DOCK1: variants seen among roughly 807,000 people sequenced by gnomAD.
DOCK1 encodes the protein dedicator of cytokinesis 1.
DOCK1 carries 138 observed loss-of-function variants against 262.7 expected under a neutral mutation model. That is an observed-to-expected ratio of 0.53 (90% confidence interval 0.46 to 0.61). The LOEUF is 0.61. DOCK1 is among the 20% of genes least tolerant of loss of function. The pLI, the probability that DOCK1 is intolerant of heterozygous loss-of-function variation, is 0.00. For missense variants in DOCK1, 1,908 were observed against 2,370.7 expected, an observed-to-expected ratio of 0.80 and a Z score of 4.05; for synonymous variants, 866 against 867.4, an observed-to-expected ratio of 1.00 and a Z score of 0.03.
chr10:127,010,237 C>T (rs1197388238), intron 11 of DOCK1, among the ~76,000 whole-genome samples: 3 of 152,150 alleles, frequency 2.0e-5, no homozygotes, highest in Non-Finnish European at 4.4e-5. Context: ...GAGGCCGAGG[C>T]AGGAGGATCA....
chr10:127,444,612 G>C (rs1028780991), intron 50 of DOCK1, among the ~76,000 whole-genome samples: 1 of 152,168 alleles, frequency 6.6e-6, no homozygotes, highest in Non-Finnish European at 1.5e-5. Context: ...CCGTGGGCCT[G>C]CTTGTGTCTA....
intron 42 of DOCK1, among the ~76,000 whole-genome samples, chr10:127,410,121 G>T (rs1421428905): frequency 2.0e-5 from 3 of 152,252 alleles, no homozygotes; most frequent in Non-Finnish European, 2.9e-5. Flanking sequence ...CTGAAGTTTG[G>T]TGGTTTCTTT....
intron 27 of DOCK1, among the ~76,000 whole-genome samples, chr10:127,169,959 C>T (rs532753482): frequency 3.9e-4 from 60 of 152,078 alleles, no homozygotes; most frequent in Non-Finnish European, 6.5e-4. Flanking sequence ...CCACCGTAAG[C>T]GGCACCCTCA....
chr10:127,184,320 C>G lies in DOCK1; in HGVS notation c.2847+56556C>G, dbSNP rs188302723. ...ACGGCTTGCTCAATTCATTCCCCCC[C>G]CAGTCTAATCCCCCAAATCAGTCGT... On this transcript the variant is annotated intron_variant, in intron 27 of 51. Transcript: ENST00000623213. Among the ~76,000 whole-genome samples, 616 of 151,134 alleles carry G rather than the reference C, an allele frequency of 4.1e-3. 5 individuals carry two copies. Among genetic ancestry groups the G allele is most frequent in the African/African-American group, 0.014 (559 of 41,028 alleles).
rs140831603 is a variant in DOCK1 at position 127,324,162 on chromosome 10, G to A, written c.3045-14844G>A. ...AGGAGCCCACGGTGGGGGAGAATCCGCTTCTGATGTCTTCCACCCTGGACC... is the reference window on the plus strand; with the variant it reads ...AGGAGCCCACGGTGGGGGAGAATCCACTTCTGATGTCTTCCACCCTGGACC... On this transcript the variant is annotated intron_variant, in intron 29 of 51. Transcript: ENST00000623213. Among the ~76,000 whole-genome samples, 177 of 152,292 alleles carry A rather than the reference G, an allele frequency of 1.2e-3. 5 individuals carry two copies. The East Asian group carries it at 0.027, about 23-fold the overall frequency.
At chr10:127,339,488 C>G (rs541928694) in intron 30 of DOCK1, among the ~76,000 whole-genome samples, 2 of 152,238 alleles carry the variant, frequency 1.3e-5, no homozygotes, top group South Asian at 4.1e-4. Flanking sequence ...TCTGTGTTCC[C>G]TCCATATCCT....
intron 28 of DOCK1, among the ~76,000 whole-genome samples, chr10:127,251,031 C>T (rs984256722): frequency 1.2e-4 from 18 of 151,994 alleles, no homozygotes; most frequent in East Asian, 7.8e-4. Flanking sequence ...GGTGCAATCT[C>T]GGCTCACCAC....
intron 32 of DOCK1, among the ~76,000 whole-genome samples, chr10:127,357,406 C>T (rs1481452230): frequency 1.3e-5 from 2 of 152,182 alleles, no homozygotes; most frequent in Non-Finnish European, 2.9e-5. Context: ...CTCCGCGTGC[C>T]CTCTCCAAGT....
chr10:127,438,902 G>T, intron 48 of DOCK1, 125 bp from the exon 49 acceptor site: 1 of 949,114 alleles, frequency 1.1e-6, no homozygotes, highest in Non-Finnish European at 1.6e-6. Flanking sequence ...AGTCACCCTT[G>T]GCCTCCCTTT....
At chr10:127,229,424 T>C (rs1002705314) in intron 27 of DOCK1, among the ~76,000 whole-genome samples, 1 of 152,156 alleles carries the variant, frequency 6.6e-6, no homozygotes, top group African/African-American at 2.4e-5. Flanking sequence ...TAACCACAAT[T>C]CTACTTTCTG....
chr10:127,291,112 G>A (rs2061332193), intron 29 of DOCK1, among the ~76,000 whole-genome samples: 1 of 152,128 alleles, frequency 6.6e-6, no homozygotes, highest in South Asian at 2.1e-4. Flanking sequence ...CTCTGGCTTA[G>A]GTTGAGATTG....
chr10:127,062,823 A>T (rs542349341), intron 23 of DOCK1, among the ~76,000 whole-genome samples: 32 of 152,218 alleles, frequency 2.1e-4, no homozygotes, highest in African/African-American at 7.7e-4. Flanking sequence ...GTGAACCTTC[A>T]TGCTTCAGTG....
At chr10:127,354,387 A>C (rs1002971747) in intron 31 of DOCK1, among the ~76,000 whole-genome samples, 2 of 152,208 alleles carry the variant, frequency 1.3e-5, no homozygotes, top group Non-Finnish European at 2.9e-5. Context: ...AGGAGCCAAG[A>C]GATTGAAGAA....
rs76222610 is a variant in DOCK1 at position 127,405,865 on chromosome 10, C to T, written c.4122+1436C>T. On this transcript the variant is annotated intron_variant, in intron 40 of 51. Coordinates refer to ENST00000623213, the MANE Select transcript of DOCK1 (RefSeq NM_001290223.2). ...TGCCTTCATCGTGCAGCAAAGACAG[C>T]GGTTGATCAGAAGCACAGATTCTGA... Among the ~76,000 whole-genome samples, 301 of 152,258 alleles carry T rather than the reference C, an allele frequency of 2.0e-3. 6 individuals carry two copies. In the East Asian group the frequency reaches 0.043, roughly 22 times the overall value.
intron 2 of DOCK1, among the ~76,000 whole-genome samples, chr10:126,973,732 A>C (rs1275641936): frequency 6.6e-6 from 1 of 152,242 alleles, no homozygotes; most frequent in African/African-American, 2.4e-5. Context: ...TTAAATAAAA[A>C]GAGAATAATG....
At chr10:127,029,368 A>G (rs901432763) in intron 16 of DOCK1, among the ~76,000 whole-genome samples, 1 of 152,248 alleles carries the variant, frequency 6.6e-6, no homozygotes, top group Non-Finnish European at 1.5e-5. Context: ...GGAGGCTAGC[A>G]AAGGGAACAA....
intron 29 of DOCK1, among the ~76,000 whole-genome samples, chr10:127,336,723 T>C (rs985968530): frequency 3.3e-5 from 5 of 152,092 alleles, no homozygotes; most frequent in African/African-American, 1.2e-4. Flanking sequence ...GTATTTTTAG[T>C]AGAAACGGGG....
In DOCK1 at chr10:127,176,895, A is replaced by G. The variant is rs1173584533; in HGVS notation, c.2847+49131A>G. ...GACTTACTGGAGCTGCCACGTCTCGAGCAGATAAATGTGGAGAGCCCTCCG... is the reference window on the plus strand; with the variant it reads ...GACTTACTGGAGCTGCCACGTCTCGGGCAGATAAATGTGGAGAGCCCTCCG... On this transcript the variant is annotated intron_variant, in intron 27 of 51. Transcript: ENST00000623213. This position sits in a 1 kb window ranked among gnomAD's most constrained non-coding sequence, Gnocchi z 4.4. 1 of 153,766 alleles carries G rather than the reference A, an allele frequency of 6.5e-6. No homozygotes were observed. The highest frequency in any genetic ancestry group is 1.9e-4 in the East Asian group (1 of 5,216). 9.5% of individuals were successfully genotyped at this position (153,766 alleles called of 1,614,324 possible). A position where few individuals can be genotyped will look rare whatever the true frequency, so the allele number is the denominator to read the frequency against.
At position 127,451,730 on chromosome 10, in the gene DOCK1, T is replaced by C. The variant is rs1357846761; in HGVS notation, c.*303T>C. On this transcript the variant is annotated 3_prime_UTR_variant, in exon 52 of 52. Transcript: ENST00000623213. ...GAGTCTTGCCCAAACATTCTTTCTTTTTGTGCCAAATGACTTGCATTTGCA... is the reference window on the plus strand; with the variant it reads ...GAGTCTTGCCCAAACATTCTTTCTTCTTGTGCCAAATGACTTGCATTTGCA... 1 of 432,484 alleles carries C rather than the reference T, an allele frequency of 2.3e-6. No individual in the cohort carries two copies. Among genetic ancestry groups the C allele is most frequent in the Non-Finnish European group, 4.0e-6 (1 of 252,618 alleles). The allele number at this position is 432,484 out of a possible 1,614,324, so 26.8% of individuals were successfully genotyped here. A position where few individuals can be genotyped will look rare whatever the true frequency, so the allele number is the denominator to read the frequency against.
Sources: gnomAD v4.1 joint callset for allele counts (sites outside exome capture counted in the v4.1 genomes callset) on GRCh38, gnomAD v4.1.1 for gene constraint, Gnocchi (gnomAD v3.1) non-coding constraint, MANE v1.5 for transcripts, NCBI Gene and HGNC (gene_info 2026-07-23, HGNC 2026-07-21) for gene names.